Variants in CT55 observed in about 807,000 individuals in gnomAD.
The protein encoded by CT55 is BRCA2-interacting protein.
CT55 carries 1 observed loss-of-function variant against 12.6 expected under a neutral mutation model. That is an observed-to-expected ratio of 0.08 (90% CI 0.03 to 0.38). The LOEUF (loss-of-function observed/expected upper bound fraction) is 0.38, where lower values mean the gene tolerates loss of function less well. Ranked by LOEUF, CT55 falls within the 10% of genes least tolerant of loss-of-function variation. The pLI is 0.99. For missense variants in CT55, 109 were observed against 135.4 expected (o/e 0.80, Z 0.97); for synonymous variants, 43 against 49.7 (o/e 0.87, Z 0.57).
chrX:135,169,929 C>T, intron 1 of CT55, 151 bp from the exon 2 acceptor site: 1 of 314,573 alleles, frequency 3.2e-6, no homozygotes, highest in Non-Finnish European at 5.7e-6. Context: ...ACAACAATCA[C>T]AATTTCGCCT....
At chrX:135,158,930 A>G (rs1374031651) in intron 3 of CT55, among the ~76,000 whole-genome samples, 1 of 112,286 alleles carries the variant, frequency 8.9e-6, no homozygotes, top group Non-Finnish European at 1.9e-5. Flanking sequence ...GAATGAATCA[A>G]TTTCCCCTGG....
chrX:135,171,421 G>A (rs1466148063), upstream of CT55: 16 of 458,069 alleles, frequency 3.5e-5, no homozygotes, highest in South Asian at 2.4e-4. Flanking sequence ...GTCAGGGCCC[G>A]CCTCTACCAC....
rs141523907 is a variant in CT55 at position 135,161,476 on chromosome X, A to G, written c.280-921T>C. Among the ~76,000 whole-genome samples, 674 of 112,385 alleles carry G rather than the reference A, an allele frequency of 6.0e-3. 2 individuals carry two copies. Among genetic ancestry groups the G allele is most frequent in the Non-Finnish European group, 9.6e-3 (511 of 53,320 alleles). On this transcript the variant is annotated intron_variant, in intron 2 of 5. Coordinates refer to ENST00000276241, the MANE Select transcript of CT55 (RefSeq NM_001031705.3). ...TAAATGCCTGTTTTAAAAGCAAATT[A>G]GCATGGTATTCAGTGTTAAAGTATC...
At chrX:135,158,455 C>T in intron 3 of CT55, 144 bp from the exon 4 acceptor site, 1 of 410,656 alleles carries the variant, frequency 2.4e-6, no homozygotes, top group Non-Finnish European at 4.2e-6. Context: ...ACAGACACTA[C>T]AAATCTCTAA....
intron 2 of CT55, among the ~76,000 whole-genome samples, chrX:135,166,860 C>A: frequency 9.0e-6 from 1 of 111,291 alleles, no homozygotes; most frequent in Admixed American, 9.5e-5. Flanking sequence ...ACAACACCTT[C>A]AAAAAAATTA....
intron 2 of CT55, among the ~76,000 whole-genome samples, chrX:135,161,305 A>T (rs1439483352): frequency 8.9e-6 from 1 of 111,994 alleles, no homozygotes; most frequent in Non-Finnish European, 1.9e-5. Flanking sequence ...TTATACTAAA[A>T]GTAGGAAAGA....
At chrX:135,166,987 A>G (rs1347770043) in intron 2 of CT55, among the ~76,000 whole-genome samples, 2 of 112,560 alleles carry the variant, frequency 1.8e-5, no homozygotes, top group Non-Finnish European at 3.8e-5. Context: ...GTGTTCATGA[A>G]CAGGAAGAAT....
intron 1 of CT55, among the ~76,000 whole-genome samples, chrX:135,170,528 G>C (rs782390785): frequency 1.8e-5 from 2 of 111,360 alleles, no homozygotes; most frequent in East Asian, 2.8e-4. Flanking sequence ...GAGATTGAAG[G>C]CTAGCCCAAA....
chrX:135,160,569 G>A lies in CT55; in HGVS notation c.280-14C>T. Reference sequence around the variant, plus strand: ...CACAACATCCACCTGTAAGATTTAGGAAAGAGTTTACTTCAAAAACAATAC... The same window carrying A: ...CACAACATCCACCTGTAAGATTTAGAAAAGAGTTTACTTCAAAAACAATAC... On this transcript the variant is annotated splice_polypyrimidine_tract_variant and intron_variant, in intron 2 of 5. Transcript: ENST00000276241. 3.4e-6 allele frequency: 4 copies of A among 1,175,897 alleles called. No homozygotes were observed. The highest frequency in any genetic ancestry group is 3.4e-6 in the Non-Finnish European group (3 of 884,049).
intron 2 of CT55, among the ~76,000 whole-genome samples, chrX:135,166,979 G>C (rs1270295143): frequency 1.8e-5 from 2 of 112,310 alleles, no homozygotes; most frequent in African/African-American, 6.5e-5. Flanking sequence ...TATATCATGT[G>C]TTCATGAACA....
chrX:135,164,863 C>A lies in CT55; in HGVS notation c.280-4308G>T, dbSNP rs181655799. 2.3e-3 allele frequency among the ~76,000 whole-genome samples: 260 copies of A among 112,078 alleles called. 1 individual carries two copies. Among genetic ancestry groups the A allele is most frequent in the African/African-American group, 7.5e-3 (231 of 30,907 alleles). ...GATCATTATAGAATGATGAAGGGGT[C>A]AATTCATCAAGAGGATATAATGATT... On this transcript the variant is annotated intron_variant, in intron 2 of 5. Transcript: ENST00000276241.
intron 2 of CT55, 72 bp from the exon 3 acceptor site, chrX:135,160,627 AC>A: frequency 9.3e-7 from 1 of 1,070,944 alleles, no homozygotes; most frequent in Non-Finnish European, 1.2e-6. Flanking sequence ...TGATTAAAAG[AC>A]TTGTATTCAA....
Position 135,158,738 on chromosome X carries a change from C to T in CT55, c.425-427G>A, listed in dbSNP as rs144160867. 3.6e-4 allele frequency among the ~76,000 whole-genome samples: 40 copies of T among 112,306 alleles called. 1 individual carries two copies. The East Asian group carries it at 0.01, about 28-fold the overall frequency. On this transcript the variant is annotated intron_variant, in intron 3 of 5. Coordinates refer to ENST00000276241, the MANE Select transcript of CT55 (RefSeq NM_001031705.3). The stretch of plus-strand genomic sequence containing the variant: ...AGCCAAGGTGGTTAATCTGTCTGTG[C>T]CTCGATTTCTTCATCTATAAAATGA...
At chrX:135,160,279 G>A (rs2083557121) in intron 3 of CT55, 132 bp downstream of exon 3, 3 of 633,804 alleles carry the variant, frequency 4.7e-6, no homozygotes, top group African/African-American at 2.3e-5. Context: ...ACTTAATTTC[G>A]ATTGGAACAG....
intron 2 of CT55, among the ~76,000 whole-genome samples, chrX:135,162,744 G>T (rs1453713757): frequency 9.0e-6 from 1 of 111,507 alleles, no homozygotes; most frequent in Non-Finnish European, 1.9e-5. Flanking sequence ...CTCTCAGATG[G>T]TACTTGTGGA....
intron 2 of CT55, 67 bp downstream of exon 2, chrX:135,169,527 A>G (rs1344599259): frequency 2.1e-6 from 2 of 931,089 alleles, no homozygotes; most frequent in African/African-American, 3.9e-5. Flanking sequence ...TTAACTCAAG[A>G]AAAGAAAGAT....
intron 3 of CT55, among the ~76,000 whole-genome samples, chrX:135,158,951 A>C (rs1469722741): frequency 4.5e-5 from 5 of 112,340 alleles, no homozygotes; most frequent in Admixed American, 2.8e-4. Context: ...TGTTGTGTTC[A>C]ACTAATGAAC....
chrX:135,159,065 G>T (rs550380102), intron 3 of CT55, among the ~76,000 whole-genome samples: 24 of 111,991 alleles, frequency 2.1e-4, no homozygotes, highest in East Asian at 5.6e-4. Context: ...TTACGTGAAA[G>T]AATCTGGAGC....
intron 2 of CT55, among the ~76,000 whole-genome samples, chrX:135,167,586 GA>G: frequency 9.0e-6 from 1 of 110,556 alleles, no homozygotes; most frequent in Middle Eastern, 4.6e-3. Context: ...GCAAGAAAAG[GA>G]AAAATACACA....
Sources: gnomAD v4.1 joint callset for allele counts (sites outside exome capture counted in the v4.1 genomes callset) on GRCh38, gnomAD v4.1.1 for gene constraint, MANE v1.5 for transcripts, NCBI Gene and HGNC (gene_info 2026-07-23, HGNC 2026-07-21) for gene names.